SLC9A3: variants seen among roughly 807,000 people sequenced by gnomAD.
SLC9A3 encodes sodium/hydrogen exchanger 3.
A neutral mutation model predicts 86.8 loss-of-function variants in SLC9A3; 37 were observed. The observed-to-expected ratio is 0.43, with a 90% CI of 0.33 to 0.56. The LOEUF (loss-of-function observed/expected upper bound fraction) is 0.56, where lower values mean the gene tolerates loss of function less well. SLC9A3 is among the 20% of genes least tolerant of loss of function. The probability of loss-of-function intolerance (pLI) is 0.06; values close to 1 mark genes in which losing one functional copy is unlikely to be tolerated. For missense variants in SLC9A3, 1,011 were observed against 1,171.9 expected (o/e 0.86, Z 2.00); for synonymous variants, 581 against 528.3 (o/e 1.10, Z -1.37).
At chr5:518,038 C>T (rs1733786283) in intron 1 of SLC9A3, among the ~76,000 whole-genome samples, 2 of 152,256 alleles carry the variant, frequency 1.3e-5, no homozygotes, top group Admixed American at 6.5e-5. Flanking sequence ...TCCATCCATC[C>T]ACATGTCCAT....
intron 1 of SLC9A3, among the ~76,000 whole-genome samples, chr5:518,446 C>T (rs1481651566): frequency 6.6e-6 from 1 of 152,052 alleles, no homozygotes; most frequent in Non-Finnish European, 1.5e-5. Context: ...GACCTGGTAC[C>T]CCAACACCTG....
At chr5:486,281 C>T (rs1453124067) in intron 3 of SLC9A3, among the ~76,000 whole-genome samples, 6 of 152,058 alleles carry the variant, frequency 3.9e-5, no homozygotes, top group African/African-American at 7.2e-5. Flanking sequence ...GGGATGGTGT[C>T]GGGGCCGGGC....
chr5:476,500 G>T (rs370282440), intron 12 of SLC9A3, 43 bp downstream of exon 12: 2 of 1,604,540 alleles, frequency 1.2e-6, no homozygotes, highest in African/African-American at 1.3e-5. Context: ...CCGCCCCACG[G>T]GGTCCCTGCG....
chr5:473,261 G>T lies in SLC9A3; in HGVS notation c.*118C>A. On this transcript the variant is annotated 3_prime_UTR_variant, in exon 17 of 17. Transcript: ENST00000264938. ...CTGGCGTGGGCGAGGCGGGGCTCGG[G>T]GCTCGCGGTCGCTGTAGCCGCGCGG... is the stretch of plus-strand genomic sequence containing the variant. 1 of 1,123,192 alleles carries T rather than the reference G, an allele frequency of 8.9e-7. No individual in the cohort carries two copies. Among genetic ancestry groups the T allele is most frequent in the African/African-American group, 1.7e-5 (1 of 58,674 alleles). The allele number at this position is 1,123,192 out of a possible 1,614,324, so 69.6% of individuals were successfully genotyped here.
rs2126596706 is a variant in SLC9A3 at position 472,531 on chromosome 5, G to A, written c.*848C>T. 2.9e-6 allele frequency: 1 copy of A among 343,104 alleles called. No homozygotes were observed. Among genetic ancestry groups the A allele is most frequent in the South Asian group, 2.1e-5 (1 of 48,126 alleles). The allele number at this position is 343,104 out of a possible 1,614,324, so 21.3% of individuals were successfully genotyped here. A position where few individuals can be genotyped will look rare whatever the true frequency, so the allele number is the denominator to read the frequency against. ...TGCGACAGCTCAGGCCGGAGACCTC[G>A]TCTGTGGGGACGGGCCGTGTCCGGG... is the stretch of plus-strand genomic sequence containing the variant. On this transcript the variant is annotated 3_prime_UTR_variant, in exon 17 of 17. Transcript: ENST00000264938.
chr5:495,171 T>A (rs1297583686), intron 1 of SLC9A3, among the ~76,000 whole-genome samples: 1 of 152,096 alleles, frequency 6.6e-6, no homozygotes, highest in East Asian at 1.9e-4. Flanking sequence ...TCACCCTTGG[T>A]GGCTGCCGAC....
At chr5:500,914 G>T (rs1219978644) in intron 1 of SLC9A3, among the ~76,000 whole-genome samples, 1 of 151,896 alleles carries the variant, frequency 6.6e-6, no homozygotes, top group African/African-American at 2.4e-5. Flanking sequence ...GACGAGGCTG[G>T]TGTGGACACG....
At position 480,159 on chromosome 5, in the gene SLC9A3, G is replaced by T. The variant is rs1739070906; in HGVS notation, c.1518-194C>A. 1.1e-4 allele frequency: 62 copies of T among 571,192 alleles called. 1 individual carries two copies. The South Asian group carries it at 1.3e-3, about 12-fold the overall frequency. The allele number at this position is 571,192 out of a possible 1,614,324, so 35.4% of individuals were successfully genotyped here. A position where few individuals can be genotyped will look rare whatever the true frequency, so the allele number is the denominator to read the frequency against. On this transcript the variant is annotated intron_variant, in intron 9 of 16. Transcript: ENST00000264938. ...CTCCCGCCTGTCCTGTTGGATGGAG[G>T]CCGTTAGACGCATATGAAACTGCAT...
At chr5:506,010 G>T (rs927076281) in intron 1 of SLC9A3, among the ~76,000 whole-genome samples, 2 of 152,012 alleles carry the variant, frequency 1.3e-5, no homozygotes, top group Non-Finnish European at 2.9e-5. Flanking sequence ...GCAACTTCAG[G>T]TCTCGCTGAC....
At chr5:482,416 A>T (rs56070387) in intron 7 of SLC9A3, 132 bp downstream of exon 7, 174,442 of 770,072 alleles carry the variant, frequency 0.23, 22,867 homozygotes, top group Non-Finnish European at 0.27. Context: ...AACCTACAAA[A>T]CGGCTCCTAG....
chr5:479,740 C>G, intron 10 of SLC9A3, 96 bp downstream of exon 10: 2 of 1,330,004 alleles, frequency 1.5e-6, no homozygotes, highest in Non-Finnish European at 2.1e-6. Context: ...CCTTGGGACG[C>G]GGGTGCAGGG....
rs756419409 is a variant in SLC9A3 at position 485,134 on chromosome 5, C to G, written c.754+19G>C. On this transcript the variant is annotated intron_variant, in intron 4 of 16. Coordinates refer to ENST00000264938, the MANE Select transcript of SLC9A3 (RefSeq NM_004174.4). ...GAGGAGACACGGCCGCCCACTCCCC[C>G]TGACCCACAGCTACACACCTATGCC... 1.3e-6 allele frequency: 2 copies of G among 1,599,500 alleles called. No individual in the cohort carries two copies. The highest frequency in any genetic ancestry group is 1.7e-6 in the Non-Finnish European group (2 of 1,166,624).
chr5:486,053 A>G (rs1210572921), intron 3 of SLC9A3, among the ~76,000 whole-genome samples: 2 of 152,190 alleles, frequency 1.3e-5, no homozygotes, highest in African/African-American at 4.8e-5. Flanking sequence ...CCCCGAGAAT[A>G]TCTTGCCGTC....
At position 476,265 on chromosome 5, in the gene SLC9A3, C is replaced by CTTGGTCGACTTG; in HGVS notation, c.1992_2003dup (p.Thr667_Lys668insAsnLysSerThr). 6.2e-7 allele frequency: 1 copy of CTTGGTCGACTTG among 1,614,036 alleles called. No individual in the cohort carries two copies. Among genetic ancestry groups the CTTGGTCGACTTG allele is most frequent in the Non-Finnish European group, 8.5e-7 (1 of 1,180,018 alleles). ...CCTTCTTGTTCTGGTTGAGCCCCAG[C>CTTGGTCGACTTG]TTGGTCGACTTGAAGGACTCCAGGC... On this transcript the variant is annotated inframe_insertion, in exon 13 of 17. Coordinates refer to ENST00000264938, the MANE Select transcript of SLC9A3 (RefSeq NM_004174.4).
rs368641064 is a variant in SLC9A3 at position 502,288 on chromosome 5, C to T, written c.212-10217G>A. Reference sequence around the variant, plus strand: ...GGACCCAGCCGCTCCGGCCCCCCACCCCCAGAGACGGCCCAGGCCCCCTTA... The same window carrying T: ...GGACCCAGCCGCTCCGGCCCCCCACTCCCAGAGACGGCCCAGGCCCCCTTA... On this transcript the variant is annotated intron_variant, in intron 1 of 16. Transcript: ENST00000264938. Among the ~76,000 whole-genome samples the T allele has an allele frequency of 3.3e-5, 5 of 152,206 alleles. No homozygotes were observed. In the South Asian group the frequency reaches 6.2e-4, roughly 19 times the overall value.
chr5:494,189 G>A (rs1336673855), intron 1 of SLC9A3, among the ~76,000 whole-genome samples: 1 of 152,212 alleles, frequency 6.6e-6, no homozygotes, highest in Non-Finnish European at 1.5e-5. Context: ...AGAAGTCCTG[G>A]GACCCTAACG....
intron 1 of SLC9A3, among the ~76,000 whole-genome samples, chr5:510,923 C>T (rs1384315232): frequency 1.3e-5 from 2 of 152,214 alleles, no homozygotes; most frequent in African/African-American, 2.4e-5. Flanking sequence ...ACACCTGCTG[C>T]CCCACCAGGT....
At chr5:500,799 T>C (rs372755307) in intron 1 of SLC9A3, among the ~76,000 whole-genome samples, 26 of 31,528 alleles carry the variant, frequency 8.2e-4, no homozygotes, top group African/African-American at 2.4e-3. Context: ...TGGAAGGGGC[T>C]GGTGTGGATG....
chr5:472,799 G>A lies in SLC9A3; in HGVS notation c.*580C>T, dbSNP rs1038783912. On this transcript the variant is annotated 3_prime_UTR_variant, in exon 17 of 17. Transcript: ENST00000264938. ...GTCCTGGCGCTCGGGAGGTCCCTGA[G>A]TCGGTCCCCGAGTCAGTCCCCGGGC... 8 of 576,140 alleles carry A rather than the reference G, an allele frequency of 1.4e-5. No homozygotes were observed. The highest frequency in any genetic ancestry group is 3.1e-5 in the South Asian group (2 of 65,490). The allele number at this position is 576,140 out of a possible 1,614,324, so 35.7% of individuals were successfully genotyped here. A position where few individuals can be genotyped will look rare whatever the true frequency, so the allele number is the denominator to read the frequency against.
Sources: allele counts gnomAD v4.1 joint callset (sites outside exome capture counted in the v4.1 genomes callset), GRCh38; gene constraint gnomAD v4.1.1; transcripts MANE v1.5; gene names NCBI Gene and HGNC (gene_info 2026-07-23, HGNC 2026-07-21).